CREB3L2: variants seen among roughly 807,000 people sequenced by gnomAD.
CREB3L2 encodes cAMP responsive element binding protein 3 like 2.
A neutral mutation model predicts 57.2 loss-of-function variants in CREB3L2; 23 were observed. That is an observed-to-expected ratio of 0.40 (90% CI 0.29 to 0.57). CREB3L2 has a LOEUF of 0.57. CREB3L2 is among the 20% of genes least tolerant of loss of function. CREB3L2 has a pLI of 0.42. For synonymous variants in CREB3L2, 268 were observed against 265.1 expected (o/e 1.01, Z -0.11); for missense variants, 628 against 634.7 (o/e 0.99, Z 0.11).
chr7:137,974,053 TTA>T (rs1491374552), intron 1 of CREB3L2, among the ~76,000 whole-genome samples: 1 of 102,822 alleles, frequency 9.7e-6, no homozygotes, highest in Non-Finnish European at 1.8e-5. Context: ...CATCTGCTCT[TTA>T]AAAAAAAAAA....
In CREB3L2 at chr7:137,879,754, A is replaced by G; in HGVS notation, c.*722T>C. On this transcript the variant is annotated 3_prime_UTR_variant, in exon 12 of 12. Coordinates refer to ENST00000330387, the MANE Select transcript of CREB3L2 (RefSeq NM_194071.4). Reference sequence around the variant, plus strand: ...GGCAAGCTAATAAATACTATTTACAACTGGGGAGGAGAAGCTGGGGAGGCA... The same window carrying G: ...GGCAAGCTAATAAATACTATTTACAGCTGGGGAGGAGAAGCTGGGGAGGCA... 1 of 235,236 alleles carries G rather than the reference A, an allele frequency of 4.3e-6. No homozygotes were observed. The highest frequency in any genetic ancestry group is 8.4e-6 in the Non-Finnish European group (1 of 119,296). The allele number at this position is 235,236 out of a possible 1,614,324, so 14.6% of individuals were successfully genotyped here.
intron 2 of CREB3L2, among the ~76,000 whole-genome samples, chr7:137,924,036 G>C (rs1469764811): frequency 6.6e-6 from 1 of 152,128 alleles, no homozygotes; most frequent in Non-Finnish European, 1.5e-5. Context: ...AGACTACTGT[G>C]TTCATTCCCA....
chr7:137,969,083 A>G lies in CREB3L2; in HGVS notation c.102+32521T>C, dbSNP rs1585665716. On this transcript the variant is annotated intron_variant, in intron 1 of 11. Coordinates refer to ENST00000330387, the MANE Select transcript of CREB3L2 (RefSeq NM_194071.4). ...GGCTGCTTAGTCAGGAAGGGCAGAGAGCTCAAATCTGGAACTCCAGCAAGA... is the reference window on the plus strand; with the variant it reads ...GGCTGCTTAGTCAGGAAGGGCAGAGGGCTCAAATCTGGAACTCCAGCAAGA... 2.0e-5 allele frequency among the ~76,000 whole-genome samples: 3 copies of G among 152,306 alleles called. No individual in the cohort carries two copies. The East Asian group carries it at 5.8e-4, about 29-fold the overall frequency.
At chr7:137,992,057 A>AT (rs1801908646) in intron 1 of CREB3L2, among the ~76,000 whole-genome samples, 1 of 152,184 alleles carries the variant, frequency 6.6e-6, no homozygotes, top group African/African-American at 2.4e-5. Flanking sequence ...GCTCTTCGTA[A>AT]TATCAGTAAA....
chr7:137,989,817 T>A (rs1201983114), intron 1 of CREB3L2, among the ~76,000 whole-genome samples: 2 of 152,104 alleles, frequency 1.3e-5, no homozygotes, highest in Non-Finnish European at 2.9e-5. Context: ...GGCAACACCG[T>A]CAACTCAGCC....
Position 137,878,598 on chromosome 7 carries a change from T to C in CREB3L2, c.*1878A>G. 4.3e-6 allele frequency: 1 copy of C among 233,666 alleles called. No individual in the cohort carries two copies. Among genetic ancestry groups the C allele is most frequent in the Non-Finnish European group, 8.4e-6 (1 of 118,442 alleles). The allele number at this position is 233,666 out of a possible 1,614,324, so 14.5% of individuals were successfully genotyped here. A position where few individuals can be genotyped will look rare whatever the true frequency, so the allele number is the denominator to read the frequency against. On this transcript the variant is annotated 3_prime_UTR_variant, in exon 12 of 12. Transcript: ENST00000330387. The stretch of plus-strand genomic sequence containing the variant: ...CTCAGACAGTCTCCGCCCTGGCTAA[T>C]GGGAGGGACAACAAGAACCCTCCAG...
At chr7:137,889,416 C>A (rs1799490932) in intron 8 of CREB3L2, among the ~76,000 whole-genome samples, 2 of 152,172 alleles carry the variant, frequency 1.3e-5, no homozygotes, top group African/African-American at 4.8e-5. Context: ...CGGACACATC[C>A]TTTCCCAACT....
chr7:137,879,421 C>T lies in CREB3L2; in HGVS notation c.*1055G>A, dbSNP rs527566036. ...TGTTGTCAGAACAGGGCTTCCCCTT[C>T]TCTGTCATGAAAACAGGATAGAAAA... On this transcript the variant is annotated 3_prime_UTR_variant, in exon 12 of 12. Coordinates refer to ENST00000330387, the MANE Select transcript of CREB3L2 (RefSeq NM_194071.4). 7 of 420,784 alleles carry T rather than the reference C, an allele frequency of 1.7e-5. No homozygotes were observed. Among genetic ancestry groups the T allele is most frequent in the South Asian group, 1.5e-4 (7 of 45,274 alleles). The allele number at this position is 420,784 out of a possible 1,614,324, so 26.1% of individuals were successfully genotyped here. A position where few individuals can be genotyped will look rare whatever the true frequency, so the allele number is the denominator to read the frequency against.
In CREB3L2 at chr7:137,922,398, A is replaced by ATATATG. The variant is rs1384906205; in HGVS notation, c.319+5751_319+5752insCATATA. Among the ~76,000 whole-genome samples the ATATATG allele has an allele frequency of 5.3e-4, 10 of 18,844 alleles. 1 individual carries two copies. The highest frequency in any genetic ancestry group is 1.6e-3 in the Admixed American group (2 of 1,232). 12.4% of individuals were successfully genotyped at this position (18,844 alleles called of 152,430 possible). On this transcript the variant is annotated intron_variant, in intron 2 of 11. Transcript: ENST00000330387. ...TATATATATATGTATATATATATAT[A>ATATATG]TATATATATATATATATGTATATAT... is the stretch of plus-strand genomic sequence containing the variant.
At chr7:137,981,478 G>A (rs191454148) in intron 1 of CREB3L2, among the ~76,000 whole-genome samples, 322 of 152,322 alleles carry the variant, frequency 2.1e-3, no homozygotes, top group African/African-American at 7.0e-3. Context: ...AGTCATGTGG[G>A]AGAACCAGGA....
intron 1 of CREB3L2, among the ~76,000 whole-genome samples, chr7:137,961,170 ACTTC>A (rs1005260412): frequency 7.8e-6 from 1 of 128,604 alleles, no homozygotes; most frequent in African/African-American, 2.9e-5. Flanking sequence ...CATTAAATTT[ACTTC>A]CTTCCTCCAA....
At chr7:137,934,303 T>C (rs1800731669) in intron 1 of CREB3L2, among the ~76,000 whole-genome samples, 2 of 152,184 alleles carry the variant, frequency 1.3e-5, no homozygotes, top group Non-Finnish European at 2.9e-5. Context: ...AGCCTCACAA[T>C]ACAACTGTAT....
intron 1 of CREB3L2, among the ~76,000 whole-genome samples, chr7:137,976,242 G>C (rs551386787): frequency 2.6e-5 from 4 of 152,292 alleles, no homozygotes; most frequent in African/African-American, 9.6e-5. Context: ...CCAGCCACCA[G>C]GCATGTGCCA....
chr7:137,924,998 A>C (rs1800421878), intron 2 of CREB3L2, among the ~76,000 whole-genome samples: 1 of 152,226 alleles, frequency 6.6e-6, no homozygotes, highest in African/African-American at 2.4e-5. Context: ...TAGATAGCCC[A>C]CATTTTTGTA....
chr7:137,899,164 G>A (rs1799698929), intron 8 of CREB3L2, among the ~76,000 whole-genome samples: 2 of 102,772 alleles, frequency 1.9e-5, no homozygotes, highest in South Asian at 6.3e-4. Context: ...AAGGAAGGAA[G>A]GAAGGAACAC....
chr7:137,975,704 G>C (rs919830347), intron 1 of CREB3L2, among the ~76,000 whole-genome samples: 1 of 152,072 alleles, frequency 6.6e-6, no homozygotes, highest in African/African-American at 2.4e-5. Context: ...GAAAGATTCA[G>C]TTAGAGCCCG....
rs530936243 is a variant in CREB3L2, at chr7:137,968,114, A to G, written c.102+33490T>C. Reference sequence around the variant, plus strand: ...GACTTTAAAGTCTATTTTCTTTCCAATACAACACAGCGTCGTTTCTACCCC... The same window carrying G: ...GACTTTAAAGTCTATTTTCTTTCCAGTACAACACAGCGTCGTTTCTACCCC... On this transcript the variant is annotated intron_variant, in intron 1 of 11. Coordinates refer to ENST00000330387, the MANE Select transcript of CREB3L2 (RefSeq NM_194071.4). 1.5e-3 allele frequency among the ~76,000 whole-genome samples: 222 copies of G among 151,940 alleles called. 1 individual carries two copies. The highest frequency in any genetic ancestry group is 2.6e-3 in the Non-Finnish European group (176 of 67,960).
chr7:137,995,333 C>CTTTTT (rs10676214), intron 1 of CREB3L2, among the ~76,000 whole-genome samples: 4,088 of 87,056 alleles, frequency 0.047, 597 homozygotes, highest in African/African-American at 0.12. Context: ...TCTTTTCTTT[C>CTTTTT]TTTTTTTTTT....
At chr7:137,948,518 T>C (rs1302148919) in intron 1 of CREB3L2, among the ~76,000 whole-genome samples, 6 of 152,222 alleles carry the variant, frequency 3.9e-5, no homozygotes, top group Non-Finnish European at 8.8e-5. Flanking sequence ...CCCTACTAAA[T>C]TTCTCACTAT....
Sources: allele counts gnomAD v4.1 joint callset (sites outside exome capture counted in the v4.1 genomes callset), GRCh38; gene constraint gnomAD v4.1.1; transcripts MANE v1.5; gene names NCBI Gene and HGNC (gene_info 2026-07-23, HGNC 2026-07-21).